MCM4: variants seen among roughly 807,000 people sequenced by gnomAD.
The protein encoded by MCM4 is minichromosome maintenance complex component 4.
A neutral mutation model predicts 88.7 loss-of-function variants in MCM4; 60 were observed. The ratio of observed to expected loss-of-function variants is 0.68; its 90% CI spans 0.55 to 0.84. MCM4 has a LOEUF of 0.84. MCM4 is among the 40% of genes least tolerant of loss of function. The pLI, the probability that MCM4 is intolerant of heterozygous loss-of-function variation, is 0.00. For missense variants in MCM4, 1,149 were observed against 1,105.5 expected (o/e 1.04, Z -0.56); for synonymous variants, 465 against 410.5 (o/e 1.13, Z -1.61).
intron 4 of MCM4, 34 bp downstream of exon 4, chr8:47,962,250 C>G: frequency 6.2e-7 from 1 of 1,613,842 alleles, no homozygotes; most frequent in Non-Finnish European, 8.5e-7. Context: ...CATCTTATGG[C>G]GGGTATCATG....
At chr8:47,972,630 C>T (rs2090964396) in intron 13 of MCM4, among the ~76,000 whole-genome samples, 1 of 151,890 alleles carries the variant, frequency 6.6e-6, no homozygotes, top group Admixed American at 6.6e-5. Flanking sequence ...GAACTTGGCT[C>T]ACCGCAACCT....
At chr8:47,967,258 G>T (rs911985860) in intron 9 of MCM4, 107 bp from the exon 10 acceptor site, 2 of 1,134,458 alleles carry the variant, frequency 1.8e-6, no homozygotes, top group African/African-American at 1.6e-5. Flanking sequence ...ATTTATGTGG[G>T]GATATGCACT....
chr8:47,970,856 C>A lies in MCM4; in HGVS notation c.1780C>A (p.Gln594Lys). Residue 594 changes from glutamine to lysine, a missense_variant, in exon 12 of 17, where the codon CAG (glutamine) becomes AAG (lysine). Physicochemically the swap from Gln to Lys is moderately conservative, Grantham distance 53. This residue lies in a region of MCM4 where 906 missense variants were observed against 843.0 expected (regional missense o/e 1.07). Transcript: ENST00000649973. Reference protein sequence around the residue: ...RSVLHEVMEQQTLSIAKAGII... With the variant: ...RSVLHEVMEQKTLSIAKAGII... ...GGTATTGCATGAAGTCATGGAACAG[C>A]AGACTCTGTCCATTGCAAAGGTGAG... 1 of 1,600,510 alleles carries A rather than the reference C, an allele frequency of 6.2e-7. No homozygotes were observed. The highest frequency in any genetic ancestry group is 8.5e-7 in the Non-Finnish European group (1 of 1,170,260).
chr8:47,963,763 G>A (rs1036514721), intron 7 of MCM4, among the ~76,000 whole-genome samples: 2 of 152,160 alleles, frequency 1.3e-5, no homozygotes, highest in South Asian at 4.1e-4. Context: ...CAGCTCTGTT[G>A]ACTCTGGGTG....
At position 47,961,207 on chromosome 8, in the gene MCM4, C is replaced by G; in HGVS notation, c.63C>G (p.Ala21=). 6.6e-7 allele frequency: 1 copy of G among 1,520,468 alleles called. No individual in the cohort carries two copies. Among genetic ancestry groups the G allele is most frequent in the Non-Finnish European group, 8.8e-7 (1 of 1,142,396 alleles). 94.2% of individuals were successfully genotyped at this position (1,520,468 alleles called of 1,614,324 possible). A position where few individuals can be genotyped will look rare whatever the true frequency, so the allele number is the denominator to read the frequency against. Residue 21 remains alanine (A), a synonymous_variant, in exon 2 of 17, where the codon GCC becomes GCG. Transcript: ENST00000649973. ...GCCGGCGTGGAAGGGCCACCCCCGC[C>G]CAGACGCGTGAGTCCCCCGAGCCGG... ...RGSRRGRATP[A]QTPRSEDARS...
In MCM4 at chr8:47,974,608, C is replaced by T. The variant is rs999921117; in HGVS notation, c.2137-126C>T. ...GTAGTCTCTACCACTTGATGAGCTC[C>T]GGGGCCCAGGACCATATCTGAGTTC... On this transcript the variant is annotated intron_variant, in intron 14 of 16. Coordinates refer to ENST00000649973, the MANE Select transcript of MCM4 (RefSeq NM_182746.3). 42 of 737,712 alleles carry T rather than the reference C, an allele frequency of 5.7e-5. 1 individual carries two copies. The highest frequency in any genetic ancestry group is 2.2e-4 in the South Asian group (13 of 60,450). 45.7% of individuals were successfully genotyped at this position (737,712 alleles called of 1,614,324 possible). A position where few individuals can be genotyped will look rare whatever the true frequency, so the allele number is the denominator to read the frequency against.
rs764301238 is a variant in MCM4, at chr8:47,976,730, A to G, written c.2544A>G (p.Ala848=). ...TTGAAGAAGCACTGCGTGCCCTGGCAGATGATGATTTCCTGACAGTGACTG... is the reference window on the plus strand; with the variant it reads ...TTGAAGAAGCACTGCGTGCCCTGGCGGATGATGATTTCCTGACAGTGACTG... ...DMFEEALRAL[A]DDDFLTVTGK... is the part of the protein sequence containing the mutation. The change falls in exon 17 of 17, where the codon GCA becomes GCG. Residue 848 remains alanine, a synonymous_variant. Transcript: ENST00000649973. 1 of 1,613,734 alleles carries G rather than the reference A, an allele frequency of 6.2e-7. No individual in the cohort carries two copies. The highest frequency in any genetic ancestry group is 8.5e-7 in the Non-Finnish European group (1 of 1,179,698).
At chr8:47,962,526 A>G (rs546123473) in intron 5 of MCM4, 120 bp downstream of exon 5, 1,013 of 1,024,072 alleles carry the variant, frequency 9.9e-4, no homozygotes, top group Admixed American at 1.1e-3. Flanking sequence ...GCTCACACCT[A>G]TAATCCCAGT....
Position 47,976,753 on chromosome 8 carries a change from C to T in MCM4, c.2567C>T (p.Thr856Ile). 1 of 1,613,152 alleles carries T rather than the reference C, an allele frequency of 6.2e-7. No individual in the cohort carries two copies. The highest frequency in any genetic ancestry group is 8.5e-7 in the Non-Finnish European group (1 of 1,179,218). The change falls in exon 17 of 17, where the codon ACT (threonine) becomes ATT (isoleucine). Residue 856 changes from threonine (T) to isoleucine (I), a missense_variant. Around this residue, in one of 3 missense-constraint regions of MCM4, gnomAD observed 238 missense variants for 241.6 expected, o/e 0.99. Coordinates refer to ENST00000649973, the MANE Select transcript of MCM4 (RefSeq NM_182746.3). Reference sequence around the variant, plus strand: ...GCAGATGATGATTTCCTGACAGTGACTGGGAAGACCGTGCGCTTGCTCTGA... The same window carrying T: ...GCAGATGATGATTTCCTGACAGTGATTGGGAAGACCGTGCGCTTGCTCTGA... ...ALADDDFLTV[T>I]GKTVRLL
chr8:47,975,967 A>G lies in MCM4; in HGVS notation c.2499+119A>G, dbSNP rs1027804838. ...ATATAGAGAAGAATGAAGAAAAGGA[A>G]GATGAACCATAAGCCATCATCAAGA... is the stretch of plus-strand genomic sequence containing the variant. On this transcript the variant is annotated intron_variant, in intron 16 of 16. Transcript: ENST00000649973. The G allele has an allele frequency of 2.0e-4, 154 of 788,816 alleles. 1 individual carries two copies. Among genetic ancestry groups the G allele is most frequent in the Non-Finnish European group, 2.5e-4 (144 of 565,420 alleles). 48.9% of individuals were successfully genotyped at this position (788,816 alleles called of 1,614,324 possible).
Position 47,962,306 on chromosome 8 carries a change from C to T in MCM4, c.401C>T (p.Ala134Val). 1 of 1,614,092 alleles carries T rather than the reference C, an allele frequency of 6.2e-7. No individual in the cohort carries two copies. Among genetic ancestry groups the T allele is most frequent in the Non-Finnish European group, 8.5e-7 (1 of 1,179,988 alleles). ...GLQVDLQSDG[A>V]AAEDIVASEQ... ...ATTCTGTCATGTTTTTCTGTGTAGG[C>T]AGCAGCAGAAGATATAGTGGCAAGT... The change falls in exon 5 of 17, where the codon GCA (alanine) becomes GTA (valine). Residue 134 changes from alanine to valine, a missense_variant and splice_region_variant. Ala to Val is a moderately conservative substitution (Grantham distance 64). Around this residue, in one of 3 missense-constraint regions of MCM4, gnomAD observed 906 missense variants for 843.0 expected, o/e 1.07. Transcript: ENST00000649973.
At chr8:47,971,496 A>G in intron 13 of MCM4, 28 bp downstream of exon 13, 5 of 1,610,130 alleles carry the variant, frequency 3.1e-6, no homozygotes, top group Non-Finnish European at 4.2e-6. Context: ...TATTTTGTTC[A>G]TTTGTAGAAT....
At chr8:47,964,910 T>C (rs1447176693) in intron 8 of MCM4, among the ~76,000 whole-genome samples, 198 bp downstream of exon 8, 2 of 152,242 alleles carry the variant, frequency 1.3e-5, no homozygotes, top group Admixed American at 6.5e-5. Context: ...AATTGAAGTT[T>C]CTGATATAAG....
In MCM4 at chr8:47,976,736, T is replaced by C. The variant is rs754013697; in HGVS notation, c.2550T>C (p.Asp850=). 1 of 1,613,604 alleles carries C rather than the reference T, an allele frequency of 6.2e-7. No individual in the cohort carries two copies. The highest frequency in any genetic ancestry group is 1.7e-5 in the Admixed American group (1 of 60,008). The change falls in exon 17 of 17, where the codon GAT becomes GAC. Residue 850 remains aspartate (D), a synonymous_variant. Transcript: ENST00000649973. ...AAGCACTGCGTGCCCTGGCAGATGA[T>C]GATTTCCTGACAGTGACTGGGAAGA... ...FEEALRALAD[D]DFLTVTGKTV...
chr8:47,967,438 A>T lies in MCM4; in HGVS notation c.1127A>T (p.Asn376Ile), dbSNP rs1210917388. 3 of 1,614,036 alleles carry T rather than the reference A, an allele frequency of 1.9e-6. No individual in the cohort carries two copies. Among genetic ancestry groups the T allele is most frequent in the Non-Finnish European group, 2.5e-6 (3 of 1,180,030 alleles). Residue 376 changes from asparagine (N) to isoleucine (I), a missense_variant, in exon 10 of 17, where the codon AAT (asparagine) becomes ATT (isoleucine). Asn to Ile is a moderately radical substitution (Grantham distance 149, BLOSUM62 -3). This residue lies in a region of MCM4 where 906 missense variants were observed against 843.0 expected (regional missense o/e 1.07). Transcript: ENST00000649973. ...CACACAGTTATCCTGTTTGCTCACA[A>T]TGATCTCGTTGACAAGGTCCAGCCT... Reference protein sequence around the residue: ...TPHTVILFAHNDLVDKVQPGD... With the variant: ...TPHTVILFAHIDLVDKVQPGD...
chr8:47,961,795 C>T (rs180744310), intron 3 of MCM4, 115 bp downstream of exon 3: 473 of 1,308,538 alleles, frequency 3.6e-4, no homozygotes, highest in Admixed American at 5.4e-4. Context: ...CCCCTCTGCA[C>T]GTGACTGAGC....
In MCM4 at chr8:47,970,608, AC is replaced by A; in HGVS notation, c.1535del (p.Pro512LeufsTer36). 2 of 1,614,060 alleles carry A rather than the reference AC, an allele frequency of 1.2e-6. No homozygotes were observed. Among genetic ancestry groups the A allele is most frequent in the Non-Finnish European group, 1.7e-6 (2 of 1,180,010 alleles). ...RAEINILLCG[D>X]PGTSKSQLLQ... is the part of the protein sequence containing the mutation. ...GAGATCAACATCTTGCTGTGTGGCG[AC>A]CCTGGTACCAGCAAGTCCCAGCTGC... On this transcript the variant is annotated frameshift_variant, in exon 12 of 17. Transcript: ENST00000649973. LOFTEE classifies it high-confidence loss of function.
intron 8 of MCM4, 48 bp downstream of exon 8, chr8:47,964,760 C>G: frequency 6.9e-7 from 1 of 1,458,816 alleles, no homozygotes; most frequent in Non-Finnish European, 9.2e-7. Context: ...AAATGCCTTA[C>G]ATGAAAATAG....
chr8:47,964,299 A>C (rs1462002613), intron 7 of MCM4, among the ~76,000 whole-genome samples: 1 of 152,232 alleles, frequency 6.6e-6, no homozygotes, highest in Non-Finnish European at 1.5e-5. Context: ...GTGTGAGGTC[A>C]AAATCTTTTT....
Sources: allele counts gnomAD v4.1 joint callset (sites outside exome capture counted in the v4.1 genomes callset), GRCh38; gene constraint gnomAD v4.1.1; regional missense constraint gnomAD v4.1.1; transcripts MANE v1.5; gene names NCBI Gene and HGNC (gene_info 2026-07-23, HGNC 2026-07-21).